GPC3: variants seen among roughly 807,000 people sequenced by gnomAD.
GPC3 encodes the protein glypican 3.
In GPC3, 3 loss-of-function variants were observed where a neutral mutation model predicts 34.4. The ratio of observed to expected loss-of-function variants is 0.09; its 90% confidence interval spans 0.04 to 0.23. The LOEUF (loss-of-function observed/expected upper bound fraction) is 0.23, where lower values mean the gene tolerates loss of function less well. GPC3 is among the 10% of genes least tolerant of loss of function. The pLI is 1.00. For missense variants in GPC3, 351 were observed against 445.6 expected (o/e 0.79, Z 1.91); for synonymous variants, 177 against 174.0 (o/e 1.02, Z -0.13).
At chrX:133,844,218 C>T (rs2075837901) in intron 2 of GPC3, among the ~76,000 whole-genome samples, 2 of 111,914 alleles carry the variant, frequency 1.8e-5, no homozygotes, top group Non-Finnish European at 3.8e-5. Flanking sequence ...ATCTAATGTA[C>T]AGAATGGAAA....
intron 3 of GPC3, among the ~76,000 whole-genome samples, chrX:133,749,889 C>T (rs2071646957): frequency 9.0e-6 from 1 of 111,151 alleles, no homozygotes; most frequent in Admixed American, 9.6e-5. Context: ...AGCTCCGACT[C>T]CCCCTCGCCC....
intron 6 of GPC3, among the ~76,000 whole-genome samples, chrX:133,656,968 C>T (rs918042585): frequency 3.6e-5 from 4 of 111,711 alleles, no homozygotes; most frequent in Admixed American, 9.6e-5. Flanking sequence ...TGGAATCACA[C>T]GGCTGGAAGG....
chrX:133,864,725 T>C (rs1388849677), intron 2 of GPC3, among the ~76,000 whole-genome samples: 2 of 112,891 alleles, frequency 1.8e-5, no homozygotes, highest in South Asian at 3.6e-4. Context: ...TTTACCAACA[T>C]GTGACTTTTT....
At chrX:133,625,732 A>G (rs1182444224) in intron 6 of GPC3, among the ~76,000 whole-genome samples, 2 of 112,066 alleles carry the variant, frequency 1.8e-5, no homozygotes, top group African/African-American at 6.5e-5. Flanking sequence ...GAAAATGGCC[A>G]TACTGCCCAA....
At chrX:133,923,961 T>A (rs1236897601) in intron 2 of GPC3, among the ~76,000 whole-genome samples, 1 of 111,640 alleles carries the variant, frequency 9.0e-6, no homozygotes, top group East Asian at 2.8e-4. Context: ...TTGTTCTCCG[T>A]CCTATAAATC....
chrX:133,916,684 G>C (rs1199068188), intron 2 of GPC3, among the ~76,000 whole-genome samples: 1 of 111,250 alleles, frequency 9.0e-6, no homozygotes, highest in Non-Finnish European at 1.9e-5. Context: ...TTCAAGACCA[G>C]CCTGGGTAAC....
intron 2 of GPC3, among the ~76,000 whole-genome samples, chrX:133,926,455 A>G (rs1342641122): frequency 8.9e-6 from 1 of 112,390 alleles, no homozygotes; most frequent in Non-Finnish European, 1.9e-5. Flanking sequence ...TTTTCTATAG[A>G]GTGATTTATA....
At chrX:133,944,100 A>ATG (rs1201098658) in intron 2 of GPC3, among the ~76,000 whole-genome samples, 1 of 109,160 alleles carries the variant, frequency 9.2e-6, no homozygotes, top group Non-Finnish European at 1.9e-5. Context: ...ATATATATAT[A>ATG]TGTGTGTGTG....
Position 133,896,362 on chromosome X carries a change from GA to G in GPC3, c.337+56687del, listed in dbSNP as rs375226597. On this transcript the variant is annotated intron_variant, in intron 2 of 7. Coordinates refer to ENST00000370818, the MANE Select transcript of GPC3 (RefSeq NM_004484.4). Reference sequence around the variant, plus strand: ...GGCAACAGAGTGAGAGATTGTCTCAGAAAAAAAAAAAAAAAGAAAGAAAAAG... The same window carrying G: ...GGCAACAGAGTGAGAGATTGTCTCAGAAAAAAAAAAAAAAGAAAGAAAAAG... Among the ~76,000 whole-genome samples, 138 of 81,112 alleles carry G rather than the reference GA, an allele frequency of 1.7e-3. 1 individual carries two copies. The highest frequency in any genetic ancestry group is 0.013 in the Middle Eastern group (2 of 152). 70.4% of individuals were successfully genotyped at this position (81,112 alleles called of 115,157 possible).
chrX:133,632,657 C>G (rs2070379220), intron 6 of GPC3, among the ~76,000 whole-genome samples: 1 of 111,686 alleles, frequency 9.0e-6, no homozygotes, highest in Non-Finnish European at 1.9e-5. Flanking sequence ...TTTCGTAATT[C>G]TTACTGTTTT....
chrX:133,796,197 G>C (rs1330357727), intron 2 of GPC3, among the ~76,000 whole-genome samples: 1 of 111,020 alleles, frequency 9.0e-6, no homozygotes, highest in East Asian at 2.8e-4. Flanking sequence ...TGCCCGCCTT[G>C]GCCTCCCAAA....
intron 5 of GPC3, among the ~76,000 whole-genome samples, chrX:133,677,734 T>C (rs1427146872): frequency 8.9e-6 from 1 of 111,850 alleles, no homozygotes; most frequent in East Asian, 2.8e-4. Context: ...GAAATATCTC[T>C]AAGAACTCCT....
intron 2 of GPC3, among the ~76,000 whole-genome samples, chrX:133,806,767 G>A (rs1285055071): frequency 9.1e-6 from 1 of 109,996 alleles, no homozygotes; most frequent in East Asian, 2.8e-4. Context: ...TCCTGCCTCA[G>A]CCTCCCGAGT....
At chrX:133,891,178 C>T (rs750909262) in intron 2 of GPC3, among the ~76,000 whole-genome samples, 39 of 111,631 alleles carry the variant, frequency 3.5e-4, no homozygotes, top group Non-Finnish European at 6.4e-4. Flanking sequence ...AGAAGCTAGA[C>T]ACAAAAGGCC....
At chrX:133,764,690 A>C (rs1287860637) in intron 2 of GPC3, among the ~76,000 whole-genome samples, 1 of 112,084 alleles carries the variant, frequency 8.9e-6, no homozygotes, top group Non-Finnish European at 1.9e-5. Flanking sequence ...TAAAACTTTA[A>C]GAACAGTTTG....
intron 2 of GPC3, among the ~76,000 whole-genome samples, chrX:133,911,330 G>A (rs1224416427): frequency 8.9e-6 from 1 of 112,253 alleles, no homozygotes; most frequent in African/African-American, 3.2e-5. Context: ...TCTATATGCA[G>A]TACATATAGG....
chrX:133,644,276 T>TG (rs1293165716), intron 6 of GPC3, among the ~76,000 whole-genome samples: 1 of 111,668 alleles, frequency 9.0e-6, no homozygotes, highest in African/African-American at 3.3e-5. Flanking sequence ...AATGAGACTG[T>TG]GCTAATGGCT....
chrX:133,799,643 G>A (rs920265486), intron 2 of GPC3, among the ~76,000 whole-genome samples: 4 of 111,166 alleles, frequency 3.6e-5, no homozygotes, highest in African/African-American at 9.8e-5. Flanking sequence ...TTTTTTACAT[G>A]ATAAATTTTT....
rs760209444 is a variant in GPC3 at position 133,722,431 on chromosome X, A to C, written c.1033-22403T>G. ...ACCACCACATAGCACGGTATGTTAG[A>C]AGAGGCCAAATTTTGATCTTATTTT... On this transcript the variant is annotated intron_variant, in intron 3 of 7. Transcript: ENST00000370818. 1.1e-4 allele frequency among the ~76,000 whole-genome samples: 12 copies of C among 111,979 alleles called. No homozygotes were observed. The South Asian group carries it at 4.5e-3, about 42-fold the overall frequency.
Sources: gnomAD v4.1 joint callset for allele counts (sites outside exome capture counted in the v4.1 genomes callset) on GRCh38, gnomAD v4.1.1 for gene constraint, MANE v1.5 for transcripts, NCBI Gene and HGNC (gene_info 2026-07-23, HGNC 2026-07-21) for gene names.